The following NUP62CL variants were observed in gnomAD, a reference collection of about 807,000 sequenced individuals.
The protein encoded by NUP62CL is nucleoporin 62 C-terminal like.
Under a neutral mutation model 15.3 loss-of-function variants are expected in NUP62CL, and 13 were observed. The ratio of observed to expected loss-of-function variants is 0.85; its 90% CI spans 0.55 to 1.35. The LOEUF (loss-of-function observed/expected upper bound fraction) is 1.35, where lower values mean the gene tolerates loss of function less well. Among genes scored for constraint, NUP62CL ranks in the 40% most tolerant of loss-of-function variants. The pLI is 0.00. For synonymous variants in NUP62CL, 54 were observed against 49.2 expected (o/e 1.10, Z -0.41); for missense variants, 123 against 130.6 (o/e 0.94, Z 0.28).
chrX:107,180,487 T>C (rs891877328), intron 2 of NUP62CL, among the ~76,000 whole-genome samples: 3 of 111,962 alleles, frequency 2.7e-5, no homozygotes, highest in Non-Finnish European at 5.6e-5. Flanking sequence ...AGGAAAAACA[T>C]ACTGAAGTTC....
intron 4 of NUP62CL, among the ~76,000 whole-genome samples, chrX:107,165,099 T>TCAAACAAA (rs747591195): frequency 9.1e-6 from 1 of 110,476 alleles, no homozygotes; most frequent in African/African-American, 3.3e-5. Context: ...AGACTCCGTC[T>TCAAACAAA]CAAACAAACA....
intron 3 of NUP62CL, among the ~76,000 whole-genome samples, chrX:107,171,874 G>GTT (rs11424318): frequency 2.7e-4 from 28 of 105,373 alleles, no homozygotes; most frequent in East Asian, 9.0e-4. Flanking sequence ...AAGAATCAGG[G>GTT]TTTTTTTTTG....
intron 7 of NUP62CL, among the ~76,000 whole-genome samples, chrX:107,152,717 T>C (rs889882061): frequency 8.9e-6 from 1 of 111,871 alleles, no homozygotes; most frequent in South Asian, 3.7e-4. Context: ...GCTATACAGT[T>C]TGCCTCCAGA....
intron 2 of NUP62CL, among the ~76,000 whole-genome samples, chrX:107,191,727 T>C (rs1389222060): frequency 9.0e-6 from 1 of 110,978 alleles, no homozygotes; most frequent in South Asian, 3.9e-4. Context: ...AAAGGACTTA[T>C]ACTTCCTCTT....
At chrX:107,194,811 C>T (rs550584918) in intron 1 of NUP62CL, among the ~76,000 whole-genome samples, 1 of 46,303 alleles carries the variant, frequency 2.2e-5, no homozygotes, top group East Asian at 1.3e-3. Context: ...TTCTTTCTCT[C>T]TTTTTTTTTT....
intron 7 of NUP62CL, chrX:107,151,023 T>C (rs753878712): frequency 1.1e-4 from 36 of 327,752 alleles, no homozygotes; most frequent in Non-Finnish European, 1.2e-4. Flanking sequence ...CCACTACCTA[T>C]TGTTATTGAT....
intron 1 of NUP62CL, among the ~76,000 whole-genome samples, chrX:107,204,585 T>C (rs1927564063): frequency 9.1e-6 from 1 of 110,401 alleles, no homozygotes; most frequent in African/African-American, 3.3e-5. Flanking sequence ...CACTTGACAC[T>C]GTACCAAGTA....
At chrX:107,165,963 C>T (rs1016610100) in intron 4 of NUP62CL, among the ~76,000 whole-genome samples, 14 of 81,970 alleles carry the variant, frequency 1.7e-4, no homozygotes, top group African/African-American at 1.1e-3. Flanking sequence ...TAGAAAAACA[C>T]AGAAGAAAAA....
At chrX:107,140,047 G>A (rs183071726) in intron 8 of NUP62CL, among the ~76,000 whole-genome samples, 1 of 111,630 alleles carries the variant, frequency 9.0e-6, no homozygotes, top group East Asian at 2.8e-4. Context: ...ACACATACTG[G>A]TCTTGCCACT....
In NUP62CL at chrX:107,141,290, A is replaced by G. The variant is rs1033721492; in HGVS notation, c.*42+6453T>C. ...ACCTACAAGAAGTTCTTCAGAATCA[A>G]GAGACAAAGGTGTGACAAAAAATCT... On this transcript the variant is annotated intron_variant, in intron 8 of 8. Transcript: ENST00000372466. Among the ~76,000 whole-genome samples, 9 of 112,339 alleles carry G rather than the reference A, an allele frequency of 8.0e-5. No homozygotes were observed. In the Admixed American group the frequency reaches 8.5e-4, roughly 11 times the overall value.
chrX:107,183,352 TTTGGGAGGCTGAG>T (rs1188707558), intron 2 of NUP62CL, among the ~76,000 whole-genome samples: 2 of 110,372 alleles, frequency 1.8e-5, no homozygotes. Context: ...ATCCTAGGAC[TTTGGGAGGCTGAG>T]GTGGGAGGAT....
At chrX:107,152,079 G>GAT (rs750141716) in intron 7 of NUP62CL, among the ~76,000 whole-genome samples, 1,688 of 37,393 alleles carry the variant, frequency 0.045, 87 homozygotes, top group Non-Finnish European at 0.057. Flanking sequence ...TATATATTCA[G>GAT]ATATATATAT....
chrX:107,157,939 C>T (rs1302167170), intron 4 of NUP62CL, among the ~76,000 whole-genome samples: 2 of 106,880 alleles, frequency 1.9e-5, no homozygotes, highest in South Asian at 4.3e-4. Flanking sequence ...GGAAGATCTA[C>T]CAAGCAAATG....
At chrX:107,144,926 C>T (rs1277810661) in intron 8 of NUP62CL, among the ~76,000 whole-genome samples, 2 of 111,249 alleles carry the variant, frequency 1.8e-5, no homozygotes, top group Non-Finnish European at 3.8e-5. Flanking sequence ...TTACAAAACC[C>T]CTAAAAGATA....
At chrX:107,182,402 G>A (rs1926940292) in intron 2 of NUP62CL, among the ~76,000 whole-genome samples, 1 of 112,000 alleles carries the variant, frequency 8.9e-6, no homozygotes, top group Non-Finnish European at 1.9e-5. Context: ...ACTAGAAGAA[G>A]GGTTCAATAT....
At chrX:107,176,577 G>A (rs1287992096) in intron 2 of NUP62CL, among the ~76,000 whole-genome samples, 5 of 108,328 alleles carry the variant, frequency 4.6e-5, no homozygotes, top group Non-Finnish European at 9.6e-5. Flanking sequence ...TTTGTCGGGG[G>A]GGCGATGAAA....
chrX:107,204,432 T>G (rs1326174520), intron 1 of NUP62CL, among the ~76,000 whole-genome samples: 1 of 111,164 alleles, frequency 9.0e-6, no homozygotes, highest in African/African-American at 3.3e-5. Flanking sequence ...ACCCCGCTAC[T>G]TCCTCTACCT....
intron 1 of NUP62CL, among the ~76,000 whole-genome samples, chrX:107,198,267 A>T (rs774328605): frequency 8.9e-6 from 1 of 111,998 alleles, no homozygotes; most frequent in African/African-American, 3.2e-5. Flanking sequence ...ACCAATCAGC[A>T]CTCTGTAAAA....
chrX:107,156,683 A>T (rs1407240363), intron 4 of NUP62CL, among the ~76,000 whole-genome samples: 2 of 89,205 alleles, frequency 2.2e-5, no homozygotes, highest in Non-Finnish European at 4.4e-5. Context: ...ATGGGGAAAA[A>T]ACAGAACAGA....
Sources: gnomAD v4.1 joint callset for allele counts (sites outside exome capture counted in the v4.1 genomes callset) on GRCh38, gnomAD v4.1.1 for gene constraint, MANE v1.5 for transcripts, NCBI Gene and HGNC (gene_info 2026-07-23, HGNC 2026-07-21) for gene names.